Variants in KLF13 observed in about 807,000 individuals in gnomAD.
KLF13 encodes KLF transcription factor 13.
A neutral mutation model predicts 16.7 loss-of-function variants in KLF13; 8 were observed. The ratio of observed to expected loss-of-function variants is 0.48; its 90% CI spans 0.28 to 0.87. The LOEUF (loss-of-function observed/expected upper bound fraction) is 0.87. KLF13 is among the 40% of genes least tolerant of loss of function. The pLI is 0.10. For missense variants in KLF13, 447 were observed against 452.2 expected (o/e 0.99, Z 0.10); for synonymous variants, 245 against 208.4 (o/e 1.18, Z -1.51).
At chr15:31,408,138 A>G (rs936455530), downstream of KLF13, among the ~76,000 whole-genome samples, 3 of 152,250 alleles carry the variant, frequency 2.0e-5, no homozygotes, top group East Asian at 1.9e-4. Flanking sequence ...GCAAAATTGT[A>G]AAATAGTTGG....
At chr15:31,407,484 T>C (rs1187881763), downstream of KLF13, among the ~76,000 whole-genome samples, 1 of 152,198 alleles carries the variant, frequency 6.6e-6, no homozygotes, top group African/African-American at 2.4e-5. Flanking sequence ...GGGAAAACTG[T>C]CTTGTCTCAA....
chr15:31,382,486 T>G (rs2039738327), downstream of KLF13, among the ~76,000 whole-genome samples: 1 of 152,330 alleles, frequency 6.6e-6, no homozygotes, highest in Admixed American at 6.5e-5. Flanking sequence ...CTAACCTGTC[T>G]AGGGGTACCT....
rs1191751380 is a variant in KLF13, at chr15:31,372,029, C to T, written c.597C>T (p.Cys199=). 1 of 1,608,192 alleles carries T rather than the reference C, an allele frequency of 6.2e-7. No individual in the cohort carries two copies. The highest frequency in any genetic ancestry group is 1.7e-5 in the Admixed American group (1 of 59,342). ...CCACAGGTGAGAGGCCCTTCGCCTGCAGCTGGCAGGACTGCAACAAGAAGT... is the reference window on the plus strand; with the variant it reads ...CCACAGGTGAGAGGCCCTTCGCCTGTAGCTGGCAGGACTGCAACAAGAAGT... ...RTHTGERPFA[C]SWQDCNKKFA... is the part of the protein sequence containing the mutation. Residue 199 remains cysteine (C), a synonymous_variant, in exon 2 of 2, where the codon TGC becomes TGT. Transcript: ENST00000307145.
At chr15:31,344,868 G>GA (rs2039086364) in intron 1 of KLF13, among the ~76,000 whole-genome samples, 2 of 152,192 alleles carry the variant, frequency 1.3e-5, no homozygotes, top group Non-Finnish European at 2.9e-5. Context: ...GTCCCCCAAG[G>GA]AAGCCGCCTG....
intron 1 of KLF13, among the ~76,000 whole-genome samples, chr15:31,328,409 CG>C: frequency 6.6e-6 from 1 of 151,974 alleles, no homozygotes; most frequent in South Asian, 2.1e-4. Context: ...CTTGGCGATG[CG>C]GGGGGCGGTC....
At chr15:31,353,762 C>T (rs1043386645) in intron 1 of KLF13, among the ~76,000 whole-genome samples, 17 of 152,174 alleles carry the variant, frequency 1.1e-4, no homozygotes, top group African/African-American at 1.7e-4. Flanking sequence ...TGGAGTGGCT[C>T]GCTGTGGCCA....
At chr15:31,411,562 A>AT (rs542831225) in intron 1 of KLF13, among the ~76,000 whole-genome samples, 37,603 of 137,612 alleles carry the variant, frequency 0.27, 5,137 homozygotes, top group East Asian at 0.43. Flanking sequence ...CACCTGGCTA[A>AT]TTTTTTTTTT....
intron 1 of KLF13, among the ~76,000 whole-genome samples, chr15:31,370,297 A>G (rs1357385467): frequency 6.6e-6 from 1 of 151,856 alleles, no homozygotes; most frequent in African/African-American, 2.4e-5. Flanking sequence ...TGACATCCAC[A>G]TATTTTCCAG....
At chr15:31,412,047 A>G (rs1011496919) in intron 1 of KLF13, among the ~76,000 whole-genome samples, 7 of 152,188 alleles carry the variant, frequency 4.6e-5, no homozygotes, top group Non-Finnish European at 8.8e-5. Context: ...ATTGAAACTG[A>G]ATTCCCCAAT....
chr15:31,399,045 T>C (rs907829157), intron 2 of KLF13, among the ~76,000 whole-genome samples: 4 of 152,080 alleles, frequency 2.6e-5, no homozygotes, highest in Non-Finnish European at 4.4e-5. Flanking sequence ...AAGAGGACGG[T>C]GCTGGCTGCC....
chr15:31,327,813 C>G (rs200426773), intron 1 of KLF13, 24 bp downstream of exon 1: 2 of 1,436,000 alleles, frequency 1.4e-6, no homozygotes, highest in East Asian at 3.0e-5. Flanking sequence ...CGCGGGCGCC[C>G]GGATCGCGCG....
upstream of KLF13, among the ~76,000 whole-genome samples, chr15:31,390,453 T>A (rs989225688): frequency 2.0e-5 from 3 of 152,366 alleles, no homozygotes; most frequent in Non-Finnish European, 4.4e-5. Context: ...GCCAATCATC[T>A]TCTTACAACC....
chr15:31,420,052 GA>G (rs71110873), intron 1 of KLF13: 6 of 335,158 alleles, frequency 1.8e-5, no homozygotes, highest in Admixed American at 1.2e-4. Context: ...AGTGCTGGAA[GA>G]AAAAAACCTT....
chr15:31,433,380 G>A (rs1456703198), intron 1 of KLF13, among the ~76,000 whole-genome samples: 1 of 152,128 alleles, frequency 6.6e-6, no homozygotes, highest in Non-Finnish European at 1.5e-5. Context: ...CAGATGTCCA[G>A]GGCTGTGTTT....
chr15:31,400,788 T>C (rs571565747), intron 2 of KLF13, among the ~76,000 whole-genome samples: 5 of 152,130 alleles, frequency 3.3e-5, no homozygotes, highest in African/African-American at 1.2e-4. Context: ...GAAGGGACAA[T>C]GCCTCGGACC....
At position 31,376,222 on chromosome 15, in the gene KLF13, T is replaced by C. The variant is rs929835661; in HGVS notation, c.*3923T>C. ...ATTCAGGATCTCAGCTGGGCAGGGG[T>C]GCCACCCAACAGGAAGATGTGATCT... On this transcript the variant is annotated 3_prime_UTR_variant, in exon 2 of 2. Coordinates refer to ENST00000307145, the MANE Select transcript of KLF13 (RefSeq NM_015995.4). 2 of 152,666 alleles carry C rather than the reference T, an allele frequency of 1.3e-5. No individual in the cohort carries two copies. The highest frequency in any genetic ancestry group is 4.8e-5 in the African/African-American group (2 of 41,428). The allele number at this position is 152,666 out of a possible 1,614,324, so 9.5% of individuals were successfully genotyped here.
At chr15:31,418,047 C>A (rs2040276109) in intron 1 of KLF13, among the ~76,000 whole-genome samples, 1 of 152,086 alleles carries the variant, frequency 6.6e-6, no homozygotes, top group Non-Finnish European at 1.5e-5. Flanking sequence ...CAAACACTAA[C>A]CAAAACCCAC....
intron 1 of KLF13, among the ~76,000 whole-genome samples, chr15:31,329,530 G>C (rs1335253143): frequency 1.3e-5 from 2 of 152,222 alleles, no homozygotes; most frequent in Admixed American, 6.5e-5. Context: ...GGGCCGGCTT[G>C]TCAGGGCCTC....
At chr15:31,345,262 A>G (rs1263076256) in intron 1 of KLF13, among the ~76,000 whole-genome samples, 1 of 152,144 alleles carries the variant, frequency 6.6e-6, no homozygotes, top group Non-Finnish European at 1.5e-5. Context: ...TTCCTCACTC[A>G]TTGCCTGAGT....
Sources: allele counts gnomAD v4.1 joint callset (sites outside exome capture counted in the v4.1 genomes callset), GRCh38; gene constraint gnomAD v4.1.1; transcripts MANE v1.5; gene names NCBI Gene and HGNC (gene_info 2026-07-23, HGNC 2026-07-21).